ANKRD31: variants seen among roughly 807,000 people sequenced by gnomAD.
ANKRD31 encodes the protein ankyrin repeat domain 31.
Under a neutral mutation model 186.0 loss-of-function variants are expected in ANKRD31, and 147 were observed. The observed-to-expected ratio is 0.79, with a 90% confidence interval of 0.69 to 0.91. The LOEUF (loss-of-function observed/expected upper bound fraction) is 0.91, where lower values mean the gene tolerates loss of function less well. ANKRD31 is among the 40% of genes least tolerant of loss of function. The pLI, the probability that ANKRD31 is intolerant of heterozygous loss-of-function variation, is 0.00. For synonymous variants in ANKRD31, 673 were observed against 736.4 expected (o/e 0.91, Z 1.39); for missense variants, 1,986 against 2,148.8 (o/e 0.92, Z 1.50).
intron 21 of ANKRD31, among the ~76,000 whole-genome samples, chr5:75,105,784 C>T (rs1747287443): frequency 6.6e-6 from 1 of 152,100 alleles, no homozygotes; most frequent in South Asian, 2.1e-4. Context: ...GTATTTTGAA[C>T]CTGTATGAAG....
intron 24 of ANKRD31, among the ~76,000 whole-genome samples, chr5:75,084,019 G>C (rs1449121827): frequency 6.6e-6 from 1 of 152,172 alleles, no homozygotes; most frequent in East Asian, 1.9e-4. Flanking sequence ...GCAGAGAATG[G>C]GAAACAACAG....
chr5:75,078,571 T>C (rs1354383728), intron 25 of ANKRD31, among the ~76,000 whole-genome samples: 1 of 152,226 alleles, frequency 6.6e-6, no homozygotes, highest in Non-Finnish European at 1.5e-5. Flanking sequence ...TTTTATTTTT[T>C]TGCTTAGATG....
chr5:75,078,073 T>TA (rs1235664732), intron 25 of ANKRD31, among the ~76,000 whole-genome samples: 1 of 152,126 alleles, frequency 6.6e-6, no homozygotes, highest in Non-Finnish European at 1.5e-5. Flanking sequence ...GGTAGATATA[T>TA]TATCTACCTT....
intron 17 of ANKRD31, among the ~76,000 whole-genome samples, chr5:75,124,334 G>A (rs1749032400): frequency 6.6e-6 from 1 of 152,156 alleles, no homozygotes; most frequent in Admixed American, 6.6e-5. Flanking sequence ...CTGTTGGTGG[G>A]AATGCAAATT....
intron 5 of ANKRD31, among the ~76,000 whole-genome samples, chr5:75,203,252 G>GAGTT (rs2150267290): frequency 6.6e-6 from 1 of 152,306 alleles, no homozygotes; most frequent in East Asian, 1.9e-4. Flanking sequence ...CAGGAGGTTG[G>GAGTT]AGTTATGGGA....
chr5:75,091,417 A>T lies in ANKRD31; in HGVS notation c.5332-16T>A. On this transcript the variant is annotated splice_polypyrimidine_tract_variant and intron_variant, in intron 22 of 25. Transcript: ENST00000506364. ...GGGTAGTCTCCTGAAGTGAAAAATA[A>T]AACAGAAATTAAGGTCAAAAATAGC... is the stretch of plus-strand genomic sequence containing the variant. 1 of 1,516,400 alleles carries T rather than the reference A, an allele frequency of 6.6e-7. No individual in the cohort carries two copies. 93.9% of individuals were successfully genotyped at this position (1,516,400 alleles called of 1,614,324 possible). A position where few individuals can be genotyped will look rare whatever the true frequency, so the allele number is the denominator to read the frequency against.
At chr5:75,156,062 G>A (rs1384490626) in intron 11 of ANKRD31, among the ~76,000 whole-genome samples, 5 of 151,878 alleles carry the variant, frequency 3.3e-5, no homozygotes, top group Non-Finnish European at 5.9e-5. Flanking sequence ...GCATCACCAC[G>A]CCTGGCTAAT....
chr5:75,137,519 C>G (rs920788589), intron 17 of ANKRD31, among the ~76,000 whole-genome samples: 7 of 152,160 alleles, frequency 4.6e-5, no homozygotes, highest in African/African-American at 1.4e-4. Flanking sequence ...AGCTGTCACA[C>G]ATATCATCAC....
intron 22 of ANKRD31, among the ~76,000 whole-genome samples, chr5:75,093,499 AC>A (rs927997175): frequency 5.9e-5 from 9 of 151,728 alleles, no homozygotes; most frequent in East Asian, 1.9e-4. Flanking sequence ...AACAACAACA[AC>A]AAAAAAAACT....
chr5:75,188,532 T>A lies in ANKRD31; in HGVS notation c.1525A>T (p.Ile509Leu). The A allele has an allele frequency of 1.3e-6, 2 of 1,536,114 alleles. No individual in the cohort carries two copies. The highest frequency in any genetic ancestry group is 1.7e-6 in the Non-Finnish European group (2 of 1,146,462). ...HDDADLVHHC[I>L]KKGGNVNQPS... Reference sequence around the variant, plus strand: ...TGATTAACATTTCCACCTTTTTTTATACAATGATGAACAAGATCAGCATCA... The same window carrying A: ...TGATTAACATTTCCACCTTTTTTTAAACAATGATGAACAAGATCAGCATCA... Residue 509 changes from isoleucine (I) to leucine (L), a missense_variant, in exon 10 of 26, where the codon ATA (isoleucine) becomes TTA (leucine). By Grantham distance (5) the Ile-to-Leu change is conservative. Transcript: ENST00000506364.
chr5:75,084,155 TATA>T (rs1187888472), intron 24 of ANKRD31, 114 bp downstream of exon 24: 13 of 767,710 alleles, frequency 1.7e-5, no homozygotes, highest in Non-Finnish European at 2.5e-5. Context: ...AATAGTTAAT[TATA>T]ATGATTGTTA....
chr5:75,138,607 G>A (rs777777277), intron 16 of ANKRD31, among the ~76,000 whole-genome samples: 10 of 152,070 alleles, frequency 6.6e-5, no homozygotes, highest in Non-Finnish European at 1.0e-4. Context: ...TTTACTCCCC[G>A]TTCTGTCTAC....
intron 10 of ANKRD31, among the ~76,000 whole-genome samples, chr5:75,176,594 G>A (rs1753821199): frequency 6.6e-6 from 1 of 152,184 alleles, no homozygotes; most frequent in Non-Finnish European, 1.5e-5. Context: ...CTCTTCTGCA[G>A]CCACTGCTGC....
chr5:75,184,387 G>A (rs1422760757), intron 10 of ANKRD31, among the ~76,000 whole-genome samples: 1 of 151,968 alleles, frequency 6.6e-6, no homozygotes, highest in Non-Finnish European at 1.5e-5. Flanking sequence ...TTAAAAAACA[G>A]ACAAATGAGA....
At chr5:75,231,621 TAC>T (rs1757954638) in intron 1 of ANKRD31, among the ~76,000 whole-genome samples, 1 of 152,186 alleles carries the variant, frequency 6.6e-6, no homozygotes, top group South Asian at 2.1e-4. Flanking sequence ...AAAAACGAAA[TAC>T]AAATAGCCAA....
chr5:75,071,984 CA>C (rs1393320535), intron 25 of ANKRD31, among the ~76,000 whole-genome samples: 3 of 152,304 alleles, frequency 2.0e-5, no homozygotes, highest in South Asian at 2.1e-4. Context: ...TTTACTCCTT[CA>C]TAGCCAGCAT....
chr5:75,173,416 T>A (rs1362739028), intron 10 of ANKRD31, among the ~76,000 whole-genome samples: 2 of 152,112 alleles, frequency 1.3e-5, no homozygotes, highest in Non-Finnish European at 2.9e-5. Context: ...TAAAGAGGAT[T>A]CAATTAGGAA....
chr5:75,133,603 C>G (rs1358607653), intron 17 of ANKRD31, among the ~76,000 whole-genome samples: 1 of 152,134 alleles, frequency 6.6e-6, no homozygotes, highest in East Asian at 1.9e-4. Context: ...TTAGACAGAT[C>G]AACGAGACAG....
intron 17 of ANKRD31, among the ~76,000 whole-genome samples, chr5:75,133,303 AG>A (rs778183694): frequency 1.3e-5 from 2 of 152,154 alleles, no homozygotes; most frequent in Non-Finnish European, 2.9e-5. Context: ...TCAAAATAAA[AG>A]GATGGAGGAA....
Sources: allele counts gnomAD v4.1 joint callset (sites outside exome capture counted in the v4.1 genomes callset), GRCh38; gene constraint gnomAD v4.1.1; transcripts MANE v1.5; gene names NCBI Gene and HGNC (gene_info 2026-07-23, HGNC 2026-07-21).